RXRA: variants seen among roughly 807,000 people sequenced by gnomAD.
RXRA encodes the protein retinoic acid receptor RXR-alpha.
RXRA carries 5 observed loss-of-function variants against 44.5 expected under a neutral mutation model. That is an observed-to-expected ratio of 0.11 (90% CI 0.06 to 0.24). The LOEUF is 0.24. RXRA is among the 10% of genes least tolerant of loss of function. The probability of loss-of-function intolerance (pLI) is 1.00; values close to 1 mark genes in which losing one functional copy is unlikely to be tolerated. For synonymous variants in RXRA, 291 were observed against 271.4 expected (o/e 1.07, Z -0.71); for missense variants, 412 against 646.5 (o/e 0.64, Z 3.93).
At chr9:134,424,895 G>A (rs573685625) in intron 6 of RXRA, 36 of 985,216 alleles carry the variant, frequency 3.7e-5, no homozygotes, top group East Asian at 1.1e-4. Flanking sequence ...GTGAGGCCCC[G>A]CCCAGCTCCG....
chr9:134,423,352 C>T, intron 6 of RXRA: 10 of 985,476 alleles, frequency 1.0e-5, no homozygotes, highest in Middle Eastern at 5.2e-4. Flanking sequence ...CCCGCTACCG[C>T]ACTGTGGGCT....
At chr9:134,416,312 T>G (rs1204564387) in intron 4 of RXRA, among the ~76,000 whole-genome samples, 1 of 152,140 alleles carries the variant, frequency 6.6e-6, no homozygotes, top group Admixed American at 6.5e-5. Flanking sequence ...CTCAGGCCCC[T>G]TTGCTGAGCG....
At chr9:134,421,527 G>C in intron 5 of RXRA, 149 bp from the exon 6 acceptor site, 2 of 891,306 alleles carry the variant, frequency 2.2e-6, no homozygotes, top group Admixed American at 4.8e-5. Flanking sequence ...CATAGTCCCA[G>C]GTTCTGGGGA....
At chr9:134,408,825 G>T (rs558655655) in intron 3 of RXRA, 115 bp from the exon 4 acceptor site, 4 of 971,822 alleles carry the variant, frequency 4.1e-6, no homozygotes, top group Non-Finnish European at 6.0e-6. Context: ...CTGGAGACCA[G>T]CAGGTCCCTT....
chr9:134,339,964 T>G (rs1318462992), intron 1 of RXRA, among the ~76,000 whole-genome samples: 2 of 152,178 alleles, frequency 1.3e-5, no homozygotes, highest in East Asian at 3.8e-4. Context: ...TGAGCCTGTC[T>G]GTGTGCACCC....
At chr9:134,358,056 G>A (rs1162593737) in intron 1 of RXRA, among the ~76,000 whole-genome samples, 1 of 152,262 alleles carries the variant, frequency 6.6e-6, no homozygotes, top group African/African-American at 2.4e-5. Context: ...TCGCTGGCCC[G>A]AGGGCTGGCT....
intron 6 of RXRA, among the ~76,000 whole-genome samples, chr9:134,428,166 C>T (rs941218147): frequency 6.6e-6 from 1 of 151,712 alleles, no homozygotes. Context: ...AACTGTCTGC[C>T]CCCCAGGGAA....
chr9:134,430,252 G>C (rs34890963), intron 7 of RXRA, among the ~76,000 whole-genome samples: 1 of 152,320 alleles, frequency 6.6e-6, no homozygotes, highest in South Asian at 2.1e-4. Context: ...TCTGGGGACC[G>C]GATGTCAGCT....
In RXRA at chr9:134,438,131, G is replaced by A. The variant is rs762630048; in HGVS notation, c.*1517G>A. The A allele has an allele frequency of 6.5e-6, 1 of 153,146 alleles. No individual in the cohort carries two copies. Among genetic ancestry groups the A allele is most frequent in the Non-Finnish European group, 1.5e-5 (1 of 68,530 alleles). 9.5% of individuals were successfully genotyped at this position (153,146 alleles called of 1,614,324 possible). A position where few individuals can be genotyped will look rare whatever the true frequency, so the allele number is the denominator to read the frequency against. On this transcript the variant is annotated 3_prime_UTR_variant, in exon 10 of 10. Coordinates refer to ENST00000481739, the MANE Select transcript of RXRA (RefSeq NM_002957.6). Reference sequence around the variant, plus strand: ...GACCCAGCCTTTGTCAGTGGCAGGTGCCTGAACAGAGGGTGGATGGGGGGG... The same window carrying A: ...GACCCAGCCTTTGTCAGTGGCAGGTACCTGAACAGAGGGTGGATGGGGGGG...
chr9:134,419,827 G>A (rs550834155), intron 5 of RXRA, among the ~76,000 whole-genome samples: 5 of 152,190 alleles, frequency 3.3e-5, no homozygotes, highest in South Asian at 2.1e-4. Context: ...AGCCCTGCTG[G>A]TACTGGAGCG....
rs957444582 is a variant in RXRA, at chr9:134,365,275, G to C, written c.29-36357G>C. Among the ~76,000 whole-genome samples, 1 of 152,214 alleles carries C rather than the reference G, an allele frequency of 6.6e-6. No individual in the cohort carries two copies. Among genetic ancestry groups the C allele is most frequent in the African/African-American group, 2.4e-5 (1 of 41,458 alleles). ...AGGTTGAGGATCACAGCCCCAGCCTGCAGGCGCTCGAGCTGAAAGCCCTCG... is the reference window on the plus strand; with the variant it reads ...AGGTTGAGGATCACAGCCCCAGCCTCCAGGCGCTCGAGCTGAAAGCCCTCG... On this transcript the variant is annotated intron_variant, in intron 1 of 9. Coordinates refer to ENST00000481739, the MANE Select transcript of RXRA (RefSeq NM_002957.6). The surrounding 1 kb of genome is among the most constrained non-coding windows in gnomAD (Gnocchi z 4.0).
In RXRA at chr9:134,426,401, G is replaced by T. The variant is rs1172971435; in HGVS notation, c.911-2707G>T. On this transcript the variant is annotated intron_variant, in intron 6 of 9. Coordinates refer to ENST00000481739, the MANE Select transcript of RXRA (RefSeq NM_002957.6). The surrounding 1 kb of genome is among the most constrained non-coding windows in gnomAD (Gnocchi z 4.6). ...CTTACATCCGAGAAGGAGGAGGGCA[G>T]CTTACAAAGGTGTGTGGGGCAGGAG... The T allele has an allele frequency of 3.0e-6, 3 of 985,360 alleles. No homozygotes were observed. The highest frequency in any genetic ancestry group is 3.6e-6 in the Non-Finnish European group (3 of 829,948). The allele number at this position is 985,360 out of a possible 1,614,324, so 61.0% of individuals were successfully genotyped here.
intron 1 of RXRA, among the ~76,000 whole-genome samples, chr9:134,393,919 G>A (rs1418192562): frequency 1.3e-5 from 2 of 152,004 alleles, no homozygotes; most frequent in Non-Finnish European, 2.9e-5. Context: ...CATCAGCCTC[G>A]GCACCACTTC....
intron 1 of RXRA, among the ~76,000 whole-genome samples, chr9:134,372,412 G>A (rs1830502039): frequency 6.6e-6 from 1 of 152,204 alleles, no homozygotes; most frequent in Admixed American, 6.5e-5. Context: ...CCGCAGGCGA[G>A]GGTCCCTCTT....
chr9:134,434,065 C>T (rs772554977), intron 8 of RXRA, 37 bp from the exon 9 acceptor site: 1 of 1,539,598 alleles, frequency 6.5e-7, no homozygotes, highest in Non-Finnish European at 9.0e-7. Flanking sequence ...AGACACGCCC[C>T]AGCTGAGGGT....
chr9:134,360,394 C>T lies in RXRA; in HGVS notation c.28+33735C>T, dbSNP rs540887891. Among the ~76,000 whole-genome samples, 102 of 152,318 alleles carry T rather than the reference C, an allele frequency of 6.7e-4. 1 individual carries two copies. Among genetic ancestry groups the T allele is most frequent in the African/African-American group, 2.1e-3 (89 of 41,572 alleles). Reference sequence around the variant, plus strand: ...CCGTGCCCAGGCCTGGGCTTGCCGACGCCTGGAGTTCTGGGTTCGAGCTCT... The same window carrying T: ...CCGTGCCCAGGCCTGGGCTTGCCGATGCCTGGAGTTCTGGGTTCGAGCTCT... On this transcript the variant is annotated intron_variant, in intron 1 of 9. Transcript: ENST00000481739.
chr9:134,367,044 T>C (rs1280658187), intron 1 of RXRA, among the ~76,000 whole-genome samples: 1 of 152,120 alleles, frequency 6.6e-6, no homozygotes, highest in Non-Finnish European at 1.5e-5. Context: ...GAGATACGGG[T>C]CACCTCCCGT....
intron 1 of RXRA, among the ~76,000 whole-genome samples, chr9:134,375,498 C>T (rs896020341): frequency 2.6e-5 from 4 of 152,154 alleles, no homozygotes; most frequent in Non-Finnish European, 5.9e-5. Context: ...CCAGGCAGGT[C>T]CTGGCCCGGA....
chr9:134,365,863 G>T lies in RXRA; in HGVS notation c.29-35769G>T, dbSNP rs1365447607. On this transcript the variant is annotated intron_variant, in intron 1 of 9. Transcript: ENST00000481739. The surrounding 1 kb of genome is among the most constrained non-coding windows in gnomAD (Gnocchi z 4.0). ...CCACCATTCCTACTGCTAGGCTCAG[G>T]CCTGTCTTGGGGAGGGTTCCTGGGC... 6.6e-6 allele frequency among the ~76,000 whole-genome samples: 1 copy of T among 152,036 alleles called. No homozygotes were observed. The highest frequency in any genetic ancestry group is 1.5e-5 in the Non-Finnish European group (1 of 67,994).
Sources: gnomAD v4.1 joint callset for allele counts (sites outside exome capture counted in the v4.1 genomes callset) on GRCh38, gnomAD v4.1.1 for gene constraint, Gnocchi (gnomAD v3.1) non-coding constraint, MANE v1.5 for transcripts, NCBI Gene and HGNC (gene_info 2026-07-23, HGNC 2026-07-21) for gene names.